The following THRB variants were observed in gnomAD, a reference collection of about 807,000 sequenced individuals.
THRB encodes thyroid hormone receptor beta.
In THRB, 12 loss-of-function variants were observed where a neutral mutation model predicts 47.8. The ratio of observed to expected loss-of-function variants is 0.25; its 90% CI spans 0.16 to 0.41. The LOEUF is 0.41. Among genes scored for constraint, THRB ranks in the 10% least tolerant of loss-of-function variants. The pLI is 1.00. For missense variants in THRB, 348 were observed against 589.2 expected, an observed-to-expected ratio of 0.59 and a Z score of 4.24; for synonymous variants, 218 against 212.2, an observed-to-expected ratio of 1.03 and a Z score of -0.24.
chr3:24,406,434 G>C (rs1397851514), intron 1 of THRB, among the ~76,000 whole-genome samples: 1 of 151,658 alleles, frequency 6.6e-6, no homozygotes, highest in Non-Finnish European at 1.5e-5. Context: ...TGTAACAGCA[G>C]ATTTCTCTAG....
chr3:24,142,528 A>G (rs1339862908), intron 8 of THRB, among the ~76,000 whole-genome samples: 1 of 152,256 alleles, frequency 6.6e-6, no homozygotes, highest in Non-Finnish European at 1.5e-5. Flanking sequence ...TTATACCACT[A>G]TATCTTCTTG....
intron 1 of THRB, among the ~76,000 whole-genome samples, chr3:24,342,839 G>A (rs78215891): frequency 0.14 from 21,094 of 152,208 alleles, 1,639 homozygotes; most frequent in East Asian, 0.26. Flanking sequence ...TGCCCAGGCT[G>A]CAGCAACTAT....
intron 5 of THRB, among the ~76,000 whole-genome samples, chr3:24,168,404 G>A (rs2039944288): frequency 6.6e-6 from 1 of 151,670 alleles, no homozygotes; most frequent in African/African-American, 2.4e-5. Flanking sequence ...AGCAGCTTAA[G>A]AGTTATTTCA....
intron 3 of THRB, among the ~76,000 whole-genome samples, chr3:24,256,057 C>A (rs140603560): frequency 1.3e-5 from 2 of 152,212 alleles, no homozygotes; most frequent in Non-Finnish European, 2.9e-5. Context: ...GAAGAAACAG[C>A]GAGCTAGTGA....
chr3:24,457,036 A>G (rs181766809), intron 1 of THRB, among the ~76,000 whole-genome samples: 1 of 152,316 alleles, frequency 6.6e-6, no homozygotes. Flanking sequence ...GGACTACACA[A>G]TATTTAGAAG....
intron 1 of THRB, among the ~76,000 whole-genome samples, chr3:24,413,076 C>T (rs2150197121): frequency 6.6e-6 from 1 of 151,866 alleles, no homozygotes; most frequent in Non-Finnish European, 1.5e-5. Flanking sequence ...GCCCACTGAA[C>T]TCACTTCTAA....
chr3:24,315,531 C>T (rs1260989540), intron 2 of THRB, among the ~76,000 whole-genome samples: 1 of 152,182 alleles, frequency 6.6e-6, no homozygotes, highest in Non-Finnish European at 1.5e-5. Context: ...CTACTCCAGG[C>T]TGCTCTCTCT....
chr3:24,238,778 G>A (rs1300051079), intron 3 of THRB, among the ~76,000 whole-genome samples: 1 of 152,064 alleles, frequency 6.6e-6, no homozygotes, highest in Admixed American at 6.5e-5. Flanking sequence ...GAAGACTGCT[G>A]TGCTCCTGAA....
rs189727015 is a variant in THRB, at chr3:24,483,752, T to C, written c.-261+10900A>G. Among the ~76,000 whole-genome samples, 5 of 152,328 alleles carry C rather than the reference T, an allele frequency of 3.3e-5. No homozygotes were observed. The East Asian group carries it at 5.8e-4, about 18-fold the overall frequency. On this transcript the variant is annotated intron_variant, in intron 1 of 10. Coordinates refer to ENST00000646209, the MANE Select transcript of THRB (RefSeq NM_001354712.2). The stretch of plus-strand genomic sequence containing the variant: ...CAAAAAGTAGAACTTAGTTACCTCA[T>C]TGAATTAAAAAATAGTAGCATAGTG...
At chr3:24,237,776 G>T (rs2049022211) in intron 3 of THRB, among the ~76,000 whole-genome samples, 1 of 152,158 alleles carries the variant, frequency 6.6e-6, no homozygotes, top group African/African-American at 2.4e-5. Flanking sequence ...TACAAGCAGA[G>T]TAAAATCCGA....
intron 3 of THRB, among the ~76,000 whole-genome samples, chr3:24,259,057 C>G (rs2051634033): frequency 6.6e-6 from 1 of 152,158 alleles, no homozygotes; most frequent in Non-Finnish European, 1.5e-5. Context: ...TTCCTTCGTG[C>G]CCCCACTGCA....
chr3:24,375,857 T>C lies in THRB; in HGVS notation c.-260-38486A>G, dbSNP rs141036321. On this transcript the variant is annotated intron_variant, in intron 1 of 10. Transcript: ENST00000646209. ...TCCCAAGTCTTTTTCTTTTCCTACT[T>C]CTACAAAATTGTTTCAACAGATGAC... 3.0e-4 allele frequency among the ~76,000 whole-genome samples: 45 copies of C among 152,154 alleles called. No individual in the cohort carries two copies. In the East Asian group the frequency reaches 7.9e-3, roughly 27 times the overall value.
intron 3 of THRB, among the ~76,000 whole-genome samples, chr3:24,234,493 A>G (rs2048667285): frequency 6.6e-6 from 1 of 152,206 alleles, no homozygotes; most frequent in Non-Finnish European, 1.5e-5. Flanking sequence ...AGTTTCTAAA[A>G]AACAAGCCTG....
intron 3 of THRB, among the ~76,000 whole-genome samples, chr3:24,273,813 C>T (rs1215691426): frequency 6.6e-6 from 1 of 151,910 alleles, no homozygotes; most frequent in Admixed American, 6.6e-5. Flanking sequence ...CTCAAAAACC[C>T]AAGCAAACAA....
At chr3:24,271,071 C>G (rs1559788186) in intron 3 of THRB, among the ~76,000 whole-genome samples, 1 of 152,214 alleles carries the variant, frequency 6.6e-6, no homozygotes, top group East Asian at 1.9e-4. Context: ...TAACTTGTCA[C>G]TATTTTCTCA....
intron 8 of THRB, 142 bp from the exon 9 acceptor site, chr3:24,133,604 A>G: frequency 1.3e-6 from 1 of 793,720 alleles, no homozygotes; most frequent in Non-Finnish European, 2.1e-6. Context: ...AACAAACTGT[A>G]CAGTTTACAC....
At chr3:24,149,144 G>C (rs2036529481) in intron 6 of THRB, among the ~76,000 whole-genome samples, 1 of 152,078 alleles carries the variant, frequency 6.6e-6, no homozygotes, top group South Asian at 2.1e-4. Context: ...GCTACCCTCT[G>C]ACCAAGGAGG....
intron 5 of THRB, among the ~76,000 whole-genome samples, chr3:24,182,149 C>T (rs1215863630): frequency 3.9e-5 from 6 of 151,932 alleles, no homozygotes; most frequent in South Asian, 2.1e-4. Flanking sequence ...TGCAGTGAGC[C>T]GAGATTGCGC....
At chr3:24,486,440 ACCAACGGACAGACT>A (rs1367374194) in intron 1 of THRB, 10 of 152,328 alleles carry the variant, frequency 6.6e-5, no homozygotes, top group African/African-American at 2.4e-4. Flanking sequence ...TGCATTTGTG[ACCAACGGACAGACT>A]CCAGAAGAAA....
Sources: gnomAD v4.1 joint callset for allele counts (sites outside exome capture counted in the v4.1 genomes callset) on GRCh38, gnomAD v4.1.1 for gene constraint, MANE v1.5 for transcripts, NCBI Gene and HGNC (gene_info 2026-07-23, HGNC 2026-07-21) for gene names.